ERICH1: variants seen among roughly 807,000 people sequenced by gnomAD.
ERICH1 encodes glutamate rich 1.
A neutral mutation model predicts 39.6 loss-of-function variants in ERICH1; 56 were observed. The ratio of observed to expected loss-of-function variants is 1.41; its 90% confidence interval spans 1.14 to 1.77. The LOEUF (loss-of-function observed/expected upper bound fraction) is 1.77, where lower values mean the gene tolerates loss of function less well. Ranked by LOEUF, ERICH1 falls within the 40% of genes most tolerant of loss-of-function variation. ERICH1 has a pLI of 0.00. For synonymous variants in ERICH1, 313 were observed against 223.6 expected (o/e 1.40, Z -3.57); for missense variants, 826 against 575.4 (o/e 1.44, Z -4.45).
chr8:722,364 C>A (rs973704997), intron 1 of ERICH1, among the ~76,000 whole-genome samples: 2 of 151,892 alleles, frequency 1.3e-5, no homozygotes, highest in African/African-American at 4.8e-5. Context: ...GCCGCAACAC[C>A]CAGCAGAAAT....
At chr8:720,856 G>A (rs1037120997) in intron 1 of ERICH1, among the ~76,000 whole-genome samples, 3 of 152,180 alleles carry the variant, frequency 2.0e-5, no homozygotes, top group Non-Finnish European at 4.4e-5. Context: ...CACCGTATCT[G>A]CTCCTTCGCT....
intron 3 of ERICH1, chr8:656,772 G>T: frequency 1.0e-6 from 1 of 985,442 alleles, no homozygotes; most frequent in Non-Finnish European, 1.2e-6. Flanking sequence ...TGTGCCAAAC[G>T]GTGCACAGCA....
chr8:720,106 A>T (rs867230731), intron 1 of ERICH1, among the ~76,000 whole-genome samples: 2 of 152,330 alleles, frequency 1.3e-5, no homozygotes, highest in Middle Eastern at 3.4e-3. Flanking sequence ...AAATCTCATC[A>T]TGTCAGTCCT....
intron 3 of ERICH1, among the ~76,000 whole-genome samples, chr8:624,528 G>C (rs1305868657): frequency 3.9e-5 from 6 of 152,112 alleles, no homozygotes; most frequent in Non-Finnish European, 8.8e-5. Context: ...CTAAGACTGG[G>C]TAATTTCTAA....
intron 4 of ERICH1, among the ~76,000 whole-genome samples, chr8:671,142 C>CTGGTT (rs1803248788): frequency 6.6e-6 from 1 of 150,500 alleles, no homozygotes; most frequent in African/African-American, 2.5e-5. Flanking sequence ...CGTGCCAGCC[C>CTGGTT]CGGTTCTAAT....
intron 3 of ERICH1, among the ~76,000 whole-genome samples, chr8:616,847 A>C (rs962943564): frequency 4.4e-5 from 6 of 135,092 alleles, no homozygotes; most frequent in Non-Finnish European, 9.4e-5. Context: ...AGAGAGAGGG[A>C]GACAGAAAGA....
chr8:716,204 C>T (rs553976931), intron 1 of ERICH1, among the ~76,000 whole-genome samples, 197 bp from the exon 2 acceptor site: 5 of 152,376 alleles, frequency 3.3e-5, no homozygotes, highest in African/African-American at 7.2e-5. Flanking sequence ...ACCCTTGAGG[C>T]TGGCCCGAGG....
chr8:628,706 C>A (rs890772379), intron 3 of ERICH1, among the ~76,000 whole-genome samples: 3 of 152,232 alleles, frequency 2.0e-5, no homozygotes, highest in African/African-American at 7.2e-5. Flanking sequence ...GAATAACACC[C>A]TGTGGGCCTT....
rs1815852601 is a variant in ERICH1, at chr8:715,897, C to T, written c.133G>A (p.Glu45Lys). ...TCAGCATGTTTCTGGCTCACTTTCT[C>T]AGAGGTCACTTTCTTTGGTGGATTT... is the stretch of plus-strand genomic sequence containing the variant. ...VQNPPKKVTS[E>K]KVSQKHAEPL... Residue 45 changes from glutamate (E) to lysine (K), a missense_variant, in exon 2 of 6, where the codon GAG becomes AAG. Coordinates refer to ENST00000262109, the MANE Select transcript of ERICH1 (RefSeq NM_207332.3). 6.2e-7 allele frequency: 1 copy of T among 1,613,902 alleles called. No individual in the cohort carries two copies. The highest frequency in any genetic ancestry group is 8.5e-7 in the Non-Finnish European group (1 of 1,179,930).
intron 3 of ERICH1, among the ~76,000 whole-genome samples, chr8:618,469 G>A (rs1212834728): frequency 6.6e-6 from 1 of 152,182 alleles, no homozygotes; most frequent in Non-Finnish European, 1.5e-5. Flanking sequence ...GTAAGTGCTT[G>A]GTGCTTGGTT....
intron 3 of ERICH1, among the ~76,000 whole-genome samples, chr8:684,572 G>T (rs974593856): frequency 6.6e-6 from 1 of 152,038 alleles, no homozygotes; most frequent in Non-Finnish European, 1.5e-5. Flanking sequence ...GAGAAGAGGG[G>T]GGCTCTGAAG....
intron 3 of ERICH1, among the ~76,000 whole-genome samples, chr8:638,872 G>A (rs534055218): frequency 1.3e-5 from 2 of 152,216 alleles, no homozygotes; most frequent in South Asian, 2.1e-4. Flanking sequence ...CGCAATCGCT[G>A]CTCAGTGGAC....
intron 3 of ERICH1, among the ~76,000 whole-genome samples, chr8:683,562 G>A (rs1806630614): frequency 6.6e-6 from 1 of 152,182 alleles, no homozygotes; most frequent in African/African-American, 2.4e-5. Context: ...AAGACAACAA[G>A]GGAGGCACAG....
intron 3 of ERICH1, among the ~76,000 whole-genome samples, chr8:641,398 A>G (rs1261853124): frequency 1.3e-5 from 2 of 152,254 alleles, no homozygotes; most frequent in Admixed American, 6.5e-5. Context: ...TAAAAATTAA[A>G]AGAGAAAAAG....
At chr8:639,912 TTAAG>T (rs1275820288) in intron 3 of ERICH1, among the ~76,000 whole-genome samples, 1 of 152,212 alleles carries the variant, frequency 6.6e-6, no homozygotes, top group African/African-American at 2.4e-5. Flanking sequence ...CTGGCCTTAA[TTAAG>T]TTTCTTATTT....
Position 668,811 on chromosome 8 carries a change from G to A in ERICH1, c.1064-19C>T. 2 of 1,570,434 alleles carry A rather than the reference G, an allele frequency of 1.3e-6. No homozygotes were observed. Among genetic ancestry groups the A allele is most frequent in the Non-Finnish European group, 8.6e-7 (1 of 1,160,712 alleles). Reference sequence around the variant, plus strand: ...GAGACACCTACATAAAGTCAGTTTTGCTTGGAAATACAGTTTTGTTTTTAT... The same window carrying A: ...GAGACACCTACATAAAGTCAGTTTTACTTGGAAATACAGTTTTGTTTTTAT... On this transcript the variant is annotated intron_variant, in intron 4 of 5. Transcript: ENST00000262109.
intron 1 of ERICH1, among the ~76,000 whole-genome samples, chr8:717,671 T>C (rs1816327229): frequency 6.6e-6 from 1 of 152,180 alleles, no homozygotes; most frequent in Non-Finnish European, 1.5e-5. Context: ...CGTCCAATTC[T>C]GCAAACAAGG....
chr8:683,813 T>C (rs1422889731), intron 3 of ERICH1, among the ~76,000 whole-genome samples: 1 of 152,268 alleles, frequency 6.6e-6, no homozygotes, highest in Non-Finnish European at 1.5e-5. Flanking sequence ...GATCTGCCGC[T>C]AAGCTAAACG....
chr8:685,891 T>C (rs911079305), intron 3 of ERICH1, among the ~76,000 whole-genome samples: 4 of 151,764 alleles, frequency 2.6e-5, no homozygotes, highest in African/African-American at 9.7e-5. Context: ...AGGCCTGTAA[T>C]TCCAGCAATT....
Sources: gnomAD v4.1 joint callset for allele counts (sites outside exome capture counted in the v4.1 genomes callset) on GRCh38, gnomAD v4.1.1 for gene constraint, MANE v1.5 for transcripts, NCBI Gene and HGNC (gene_info 2026-07-23, HGNC 2026-07-21) for gene names.